The following IFI44L variants were observed in gnomAD, a reference collection of about 807,000 sequenced individuals.
IFI44L encodes interferon-induced protein 44-like.
In IFI44L, 40 loss-of-function variants were observed where a neutral mutation model predicts 39.3. The ratio of observed to expected loss-of-function variants is 1.02; its 90% confidence interval spans 0.79 to 1.33. The LOEUF (loss-of-function observed/expected upper bound fraction) is 1.33. Among genes scored for constraint, IFI44L ranks in the 40% most tolerant of loss-of-function variants. IFI44L has a pLI of 0.00. For missense variants in IFI44L, 623 were observed against 549.0 expected, an observed-to-expected ratio of 1.13 and a Z score of -1.35; for synonymous variants, 198 against 182.3, an observed-to-expected ratio of 1.09 and a Z score of -0.69.
At chr1:78,637,833 A>G (rs1277463412) in intron 6 of IFI44L, among the ~76,000 whole-genome samples, 1 of 152,170 alleles carries the variant, frequency 6.6e-6, no homozygotes, top group African/African-American at 2.4e-5. Context: ...TCCATGGTAT[A>G]GATATACCAC....
At chr1:78,633,989 G>A (rs1186885444) in intron 4 of IFI44L, among the ~76,000 whole-genome samples, 1 of 152,032 alleles carries the variant, frequency 6.6e-6, no homozygotes, top group African/African-American at 2.4e-5. Flanking sequence ...AGAAGAGTCT[G>A]TGAACTTAAA....
chr1:78,636,979 G>T, intron 5 of IFI44L, 53 bp from the exon 6 acceptor site: 2 of 1,369,038 alleles, frequency 1.5e-6, no homozygotes, highest in Non-Finnish European at 2.1e-6. Context: ...TGTCTTTAAG[G>T]GTTAAACAGA....
intron 4 of IFI44L, among the ~76,000 whole-genome samples, chr1:78,630,635 TC>T (rs1183346601): frequency 6.6e-6 from 1 of 152,194 alleles, no homozygotes; most frequent in South Asian, 2.1e-4. Flanking sequence ...ATTAATATTG[TC>T]ACTTGTTAGG....
chr1:78,629,578 T>A (rs1334499460), intron 3 of IFI44L, 142 bp from the exon 4 acceptor site: 6 of 519,032 alleles, frequency 1.2e-5, no homozygotes, highest in African/African-American at 1.9e-5. Context: ...TTATAGAAGA[T>A]CTCATTATCA....
intron 1 of IFI44L, chr1:78,620,959 G>C (rs757814698): frequency 1.1e-4 from 17 of 152,190 alleles, no homozygotes; most frequent in Non-Finnish European, 2.2e-4. Context: ...ACGTGTGAGT[G>C]AGAACATCAC....
intron 6 of IFI44L, among the ~76,000 whole-genome samples, chr1:78,640,616 G>T (rs1475397348): frequency 6.6e-6 from 1 of 152,062 alleles, no homozygotes; most frequent in Non-Finnish European, 1.5e-5. Context: ...AAAGGAGTAG[G>T]TCCCTATTAG....
At chr1:78,632,416 G>C (rs938652295) in intron 4 of IFI44L, among the ~76,000 whole-genome samples, 1 of 152,192 alleles carries the variant, frequency 6.6e-6, no homozygotes, top group Admixed American at 6.5e-5. Flanking sequence ...AATATTGCAT[G>C]ATGAAATGTG....
At chr1:78,628,888 G>T in intron 2 of IFI44L, 63 bp from the exon 3 acceptor site, 1 of 1,085,982 alleles carries the variant, frequency 9.2e-7, no homozygotes, top group South Asian at 1.3e-5. Flanking sequence ...TTCAAAAGTA[G>T]ACTTGGCCAC....
chr1:78,641,968 A>C lies in IFI44L; in HGVS notation c.*159A>C, dbSNP rs1279608478. 1.3e-6 allele frequency: 1 copy of C among 787,038 alleles called. No individual in the cohort carries two copies. The highest frequency in any genetic ancestry group is 2.2e-6 in the Non-Finnish European group (1 of 446,832). The allele number at this position is 787,038 out of a possible 1,614,324, so 48.8% of individuals were successfully genotyped here. A position where few individuals can be genotyped will look rare whatever the true frequency, so the allele number is the denominator to read the frequency against. On this transcript the variant is annotated 3_prime_UTR_variant, in exon 9 of 9. Transcript: ENST00000370751. The stretch of plus-strand genomic sequence containing the variant: ...TCAAGTTCAAAGGCCAAAACCTGAG[A>C]AGCGGTGGGCTAAGATAGGTCCTAC...
At chr1:78,637,986 T>A (rs2100386844) in intron 6 of IFI44L, among the ~76,000 whole-genome samples, 1 of 152,228 alleles carries the variant, frequency 6.6e-6, no homozygotes, top group South Asian at 2.1e-4. Context: ...AGTAACTGTA[T>A]GTTTAGCTTT....
intron 1 of IFI44L, 52 bp downstream of exon 1, chr1:78,620,623 T>C (rs1652240751): frequency 6.6e-6 from 1 of 152,190 alleles, no homozygotes; most frequent in Admixed American, 6.5e-5. Flanking sequence ...TATGGGGTTA[T>C]GTGTGATATT....
intron 6 of IFI44L, among the ~76,000 whole-genome samples, chr1:78,638,022 A>C (rs757751913): frequency 2.0e-5 from 3 of 152,142 alleles, no homozygotes; most frequent in African/African-American, 4.8e-5. Context: ...ACTATACTCC[A>C]GAGGGACTGT....
Position 78,641,652 on chromosome 1 carries a change from C to T in IFI44L, c.1324+43C>T, listed in dbSNP as rs1040643472. 13 of 1,611,074 alleles carry T rather than the reference C, an allele frequency of 8.1e-6. No individual in the cohort carries two copies. The Middle Eastern group carries it at 5.0e-4, about 62-fold the overall frequency. On this transcript the variant is annotated intron_variant, in intron 8 of 8. Coordinates refer to ENST00000370751, the MANE Select transcript of IFI44L (RefSeq NM_006820.4). ...TCCCCCTGTCATAGATCACTGGTGCCTTTTGAAAAATCCTAAGTTATACAT... is the reference window on the plus strand; with the variant it reads ...TCCCCCTGTCATAGATCACTGGTGCTTTTTGAAAAATCCTAAGTTATACAT...
chr1:78,633,749 T>C (rs1405333723), intron 4 of IFI44L, among the ~76,000 whole-genome samples: 1 of 152,152 alleles, frequency 6.6e-6, no homozygotes, highest in African/African-American at 2.4e-5. Context: ...AATGGAGATG[T>C]ATGAACCACC....
intron 1 of IFI44L, among the ~76,000 whole-genome samples, chr1:78,622,721 A>C (rs1362355527): frequency 6.6e-6 from 1 of 152,194 alleles, no homozygotes; most frequent in East Asian, 1.9e-4. Context: ...CCCATTTGGC[A>C]AAGAACTAAG....
At position 78,629,878 on chromosome 1, in the gene IFI44L, C is replaced by A. The variant is rs761494321; in HGVS notation, c.686C>A (p.Ala229Asp). ...SIFHGHVTGQ[A>D]VVGSDITSIT... Reference sequence around the variant, plus strand: ...TTTCATGGCCATGTGACTGGCCAAGCCGTAGTGGGGTCTGATATCACCAGC... The same window carrying A: ...TTTCATGGCCATGTGACTGGCCAAGACGTAGTGGGGTCTGATATCACCAGC... The change falls in exon 4 of 9, where the codon GCC (alanine) becomes GAC (aspartate). Residue 229 changes from alanine (A) to aspartate (D), a missense_variant. Coordinates refer to ENST00000370751, the MANE Select transcript of IFI44L (RefSeq NM_006820.4). The A allele has an allele frequency of 1.9e-5, 31 of 1,613,754 alleles. No individual in the cohort carries two copies. The highest frequency in any genetic ancestry group is 2.5e-5 in the Non-Finnish European group (30 of 1,179,790).
At position 78,642,822 on chromosome 1, in the gene IFI44L, T is replaced by C. The variant is rs1383275800; in HGVS notation, c.*1013T>C. On this transcript the variant is annotated 3_prime_UTR_variant, in exon 9 of 9. Transcript: ENST00000370751. Reference sequence around the variant, plus strand: ...AAACCCATGCTTGATTTTCATTAATTGAATTCCAAATCATCCTAGCCATGT... The same window carrying C: ...AAACCCATGCTTGATTTTCATTAATCGAATTCCAAATCATCCTAGCCATGT... 1 of 152,136 alleles carries C rather than the reference T, an allele frequency of 6.6e-6. No homozygotes were observed. The highest frequency in any genetic ancestry group is 2.4e-5 in the African/African-American group (1 of 41,444). The allele number at this position is 152,136 out of a possible 1,614,324, so 9.4% of individuals were successfully genotyped here.
chr1:78,628,451 T>G, intron 2 of IFI44L, 58 bp downstream of exon 2: 2 of 973,696 alleles, frequency 2.1e-6, no homozygotes, highest in Non-Finnish European at 3.1e-6. Flanking sequence ...TTGTGTTCGG[T>G]AGGTAATAAT....
At position 78,628,288 on chromosome 1, in the gene IFI44L, T is replaced by A. The variant is rs780646436; in HGVS notation, c.373T>A (p.Cys125Ser). 4.4e-6 allele frequency: 7 copies of A among 1,606,658 alleles called. No homozygotes were observed. The East Asian group carries it at 1.1e-4, about 26-fold the overall frequency. ...RLSKTDIFIICRDNKIYLDKM... is the reference protein window; with the variant it reads ...RLSKTDIFIISRDNKIYLDKM... ...ATCGAAAACGGATATTTTCATTATA[T>A]GTCGAGATAATAAAATTTATCTAGA... Residue 125 changes from cysteine to serine, a missense_variant, in exon 2 of 9, where the codon TGT becomes AGT. By Grantham distance (112) the Cys-to-Ser change is moderately radical. Transcript: ENST00000370751.
Sources: gnomAD v4.1 joint callset for allele counts (sites outside exome capture counted in the v4.1 genomes callset) on GRCh38, gnomAD v4.1.1 for gene constraint, MANE v1.5 for transcripts, NCBI Gene and HGNC (gene_info 2026-07-23, HGNC 2026-07-21) for gene names.